WDR33: variants seen among roughly 807,000 people sequenced by gnomAD.
WDR33 encodes the protein WD repeat domain 33, also known as pre-mRNA 3' end processing protein WDR33.
WDR33 carries 47 observed loss-of-function variants against 164.9 expected under a neutral mutation model. The ratio of observed to expected loss-of-function variants is 0.29; its 90% CI spans 0.23 to 0.36. The LOEUF (loss-of-function observed/expected upper bound fraction) is 0.36, where lower values mean the gene tolerates loss of function less well. WDR33 is among the 10% of genes least tolerant of loss of function. The pLI is 1.00. For missense variants in WDR33, 1,137 were observed against 1,754.1 expected (o/e 0.65, Z 6.28); for synonymous variants, 505 against 589.0 (o/e 0.86, Z 2.06).
chr2:127,713,699 C>G lies in WDR33; in HGVS notation c.3192G>C (p.Gly1064=). The G allele has an allele frequency of 6.2e-7, 1 of 1,614,228 alleles. No homozygotes were observed. The highest frequency in any genetic ancestry group is 8.5e-7 in the Non-Finnish European group (1 of 1,180,014). The change falls in exon 18 of 22, where the codon GGG becomes GGC. Residue 1064 remains glycine, a synonymous_variant. Transcript: ENST00000322313. This position sits in a 1 kb window ranked among gnomAD's most constrained non-coding sequence, Gnocchi z 6.2. Reference sequence around the variant, plus strand: ...GGCCTCGGGCTGCACCCCGGCCATCCCCCTCGCTGAATTCCCTGTGATCAG... The same window carrying G: ...GGCCTCGGGCTGCACCCCGGCCATCGCCCTCGCTGAATTCCCTGTGATCAG... ...FPPDHREFSE[G]DGRGAARGPP...
chr2:127,752,560 G>A (rs1040024811), intron 7 of WDR33, among the ~76,000 whole-genome samples: 4 of 135,942 alleles, frequency 2.9e-5, no homozygotes, highest in African/African-American at 5.7e-5. Flanking sequence ...ACTGCAGTCC[G>A]CAGTCCGGCC....
intron 1 of WDR33, among the ~76,000 whole-genome samples, chr2:127,787,669 C>A (rs1425554130): frequency 1.1e-5 from 1 of 92,404 alleles, no homozygotes; most frequent in Non-Finnish European, 2.2e-5. Context: ...GAGGGCTGAC[C>A]CCCCCACCTC....
intron 7 of WDR33, among the ~76,000 whole-genome samples, chr2:127,729,114 G>A (rs72846250): frequency 6.1e-4 from 93 of 152,360 alleles, no homozygotes; most frequent in Non-Finnish European, 9.6e-4. Context: ...ATTCTTGGAT[G>A]TAATTTTATT....
At position 127,741,123 on chromosome 2, in the gene WDR33, G is replaced by A. The variant is rs1315478443; in HGVS notation, c.725-14346C>T. ...TTGTCCCTCCTGACTTCCTGTTTCT[G>A]TAGAACAGATGCTCTCAGTCAGACA... On this transcript the variant is annotated intron_variant, in intron 7 of 21. Transcript: ENST00000322313. The surrounding 1 kb of genome is among the most constrained non-coding windows in gnomAD (Gnocchi z 4.1). Among the ~76,000 whole-genome samples, 1 of 152,228 alleles carries A rather than the reference G, an allele frequency of 6.6e-6. No homozygotes were observed. Among genetic ancestry groups the A allele is most frequent in the African/African-American group, 2.4e-5 (1 of 41,452 alleles).
intron 4 of WDR33, 51 bp downstream of exon 4, chr2:127,768,138 C>G: frequency 8.7e-7 from 1 of 1,151,914 alleles, no homozygotes; most frequent in Non-Finnish European, 1.2e-6. Context: ...AATACATTTG[C>G]TATATAACGC....
chr2:127,748,391 T>C lies in WDR33; in HGVS notation c.724+14671A>G, dbSNP rs542351757. Among the ~76,000 whole-genome samples the C allele has an allele frequency of 2.6e-5, 4 of 152,250 alleles. No individual in the cohort carries two copies. The South Asian group carries it at 8.3e-4, about 32-fold the overall frequency. ...GTAAATACTAACAGTGAAATGAAAATAGACTAAATGTTCTAGGCTTAGAAA... is the reference window on the plus strand; with the variant it reads ...GTAAATACTAACAGTGAAATGAAAACAGACTAAATGTTCTAGGCTTAGAAA... On this transcript the variant is annotated intron_variant, in intron 7 of 21. Transcript: ENST00000322313.
Position 127,766,788 on chromosome 2 carries a change from A to T in WDR33, c.378+1401T>A, listed in dbSNP as rs541479924. On this transcript the variant is annotated intron_variant, in intron 4 of 21. Coordinates refer to ENST00000322313, the MANE Select transcript of WDR33 (RefSeq NM_018383.5). ...TAACAATGTTTCTTTTTTTTTTTTG[A>T]AACAGAGTTTCGATCTTGTCGCCCA... Among the ~76,000 whole-genome samples the T allele has an allele frequency of 1.3e-3, 192 of 148,636 alleles. 4 individuals carry two copies. The East Asian group carries it at 0.035, about 27-fold the overall frequency.
rs1380937889 is a variant in WDR33 at position 127,723,257 on chromosome 2, T to C, written c.1287A>G (p.Glu429=). 1.9e-6 allele frequency: 3 copies of C among 1,613,362 alleles called. No homozygotes were observed. Among genetic ancestry groups the C allele is most frequent in the Non-Finnish European group, 2.5e-6 (3 of 1,179,564 alleles). The part of the protein sequence containing the change: ...LLPGMSEDGV[E]YDDLEPNSLA... ...ACAGATGTGCAAGAGTCTCACCATA[T>C]TCTACTCCATCTTCAGACATTCCAG... Residue 429 remains glutamate (E), a synonymous_variant, in exon 12 of 22, where the codon GAA becomes GAG. Transcript: ENST00000322313. The surrounding 1 kb of genome is among the most constrained non-coding windows in gnomAD (Gnocchi z 5.9).
chr2:127,706,218 G>A lies in WDR33; in HGVS notation c.*105C>T. 5 of 1,089,148 alleles carry A rather than the reference G, an allele frequency of 4.6e-6. No homozygotes were observed. The highest frequency in any genetic ancestry group is 6.3e-6 in the Non-Finnish European group (5 of 792,196). The allele number at this position is 1,089,148 out of a possible 1,614,324, so 67.5% of individuals were successfully genotyped here. A position where few individuals can be genotyped will look rare whatever the true frequency, so the allele number is the denominator to read the frequency against. On this transcript the variant is annotated 3_prime_UTR_variant, in exon 22 of 22. Coordinates refer to ENST00000322313, the MANE Select transcript of WDR33 (RefSeq NM_018383.5). This position sits in a 1 kb window ranked among gnomAD's most constrained non-coding sequence, Gnocchi z 5.1. ...CTGGGATTCAGGTGCCCAGAAAAGA[G>A]TTCAGGGCTACAATGGTGCAGGCTT...
rs3887980 is a variant in WDR33, at chr2:127,746,824, T to G, written c.724+16238A>C. On this transcript the variant is annotated intron_variant, in intron 7 of 21. Transcript: ENST00000322313. ...GTAAACAGTAATTACACTATATTCT[T>G]CTATCATTACATTTTAAAGTTAACA... Among the ~76,000 whole-genome samples, 1,063 of 152,362 alleles carry G rather than the reference T, an allele frequency of 7.0e-3. 9 individuals carry two copies. The highest frequency in any genetic ancestry group is 0.024 in the African/African-American group (1,011 of 41,592).
At position 127,713,371 on chromosome 2, in the gene WDR33, C is replaced by T. The variant is rs1049827367; in HGVS notation, c.3308+212G>A. Among the ~76,000 whole-genome samples, 3 of 152,088 alleles carry T rather than the reference C, an allele frequency of 2.0e-5. No homozygotes were observed. The highest frequency in any genetic ancestry group is 7.2e-5 in the African/African-American group (3 of 41,406). On this transcript the variant is annotated intron_variant, in intron 18 of 21. Transcript: ENST00000322313. The surrounding 1 kb of genome is among the most constrained non-coding windows in gnomAD (Gnocchi z 6.2). Reference sequence around the variant, plus strand: ...CCAAAATATAAAAAAATAAACAAAACGAAAAAGATTTCTAGACAGCAAAGA... The same window carrying T: ...CCAAAATATAAAAAAATAAACAAAATGAAAAAGATTTCTAGACAGCAAAGA...
chr2:127,788,479 C>T (rs1369518065), intron 1 of WDR33, among the ~76,000 whole-genome samples: 3 of 127,338 alleles, frequency 2.4e-5, no homozygotes, highest in East Asian at 2.6e-4. Context: ...GGGGCTGACA[C>T]CCCCACCTCC....
At position 127,726,793 on chromosome 2, in the gene WDR33, T is replaced by A; in HGVS notation, c.725-16A>T. 1 of 1,613,574 alleles carries A rather than the reference T, an allele frequency of 6.2e-7. No individual in the cohort carries two copies. The highest frequency in any genetic ancestry group is 8.5e-7 in the Non-Finnish European group (1 of 1,179,830). On this transcript the variant is annotated splice_polypyrimidine_tract_variant and intron_variant, in intron 7 of 21. Coordinates refer to ENST00000322313, the MANE Select transcript of WDR33 (RefSeq NM_018383.5). This position sits in a 1 kb window ranked among gnomAD's most constrained non-coding sequence, Gnocchi z 4.8. ...GCACCATGCCCTGTCGGAAACAAGT[T>A]AGGATTAAAACCTAATTAGTTACAT...
Position 127,713,515 on chromosome 2 carries a change from C to A in WDR33, c.3308+68G>T. ...TTCCTCAAGAAAAAGAAGAAAGAGA[C>A]CTTTGTGGAGACAGCAGATAAAAAG... is the stretch of plus-strand genomic sequence containing the variant. On this transcript the variant is annotated intron_variant, in intron 18 of 21. Coordinates refer to ENST00000322313, the MANE Select transcript of WDR33 (RefSeq NM_018383.5). This position sits in a 1 kb window ranked among gnomAD's most constrained non-coding sequence, Gnocchi z 6.2. The A allele has an allele frequency of 6.5e-7, 1 of 1,535,254 alleles. No individual in the cohort carries two copies. Among genetic ancestry groups the A allele is most frequent in the Non-Finnish European group, 8.9e-7 (1 of 1,125,140 alleles).
At chr2:127,788,417 G>T in intron 1 of WDR33, among the ~76,000 whole-genome samples, 1 of 121,168 alleles carries the variant, frequency 8.3e-6, no homozygotes, top group East Asian at 2.6e-4. Context: ...CTGGCCGGGC[G>T]GAGGGCTGAC....
chr2:127,796,208 A>ACTAT (rs1325208715), intron 1 of WDR33, among the ~76,000 whole-genome samples: 7 of 151,566 alleles, frequency 4.6e-5, no homozygotes, highest in Non-Finnish European at 1.0e-4. Context: ...AGTAGCTGGG[A>ACTAT]CTATACAGCA....
intron 7 of WDR33, among the ~76,000 whole-genome samples, chr2:127,732,693 T>C (rs1269418997): frequency 1.3e-5 from 2 of 152,134 alleles, no homozygotes; most frequent in African/African-American, 4.8e-5. Flanking sequence ...AAGATGTGCC[T>C]CAGATACTCA....
In WDR33 at chr2:127,708,114, G is replaced by A. The variant is rs150683737; in HGVS notation, c.3781+563C>T. ...CCCCCGCTGCCTTGCAACCAGAGTTGTATAGTCAGCCTTCAGAGGCAACTA... is the reference window on the plus strand; with the variant it reads ...CCCCCGCTGCCTTGCAACCAGAGTTATATAGTCAGCCTTCAGAGGCAACTA... On this transcript the variant is annotated intron_variant, in intron 21 of 21. Coordinates refer to ENST00000322313, the MANE Select transcript of WDR33 (RefSeq NM_018383.5). The surrounding 1 kb of genome is among the most constrained non-coding windows in gnomAD (Gnocchi z 6.7). Among the ~76,000 whole-genome samples the A allele has an allele frequency of 1.8e-4, 28 of 152,314 alleles. 1 individual carries two copies. The East Asian group carries it at 5.0e-3, about 27-fold the overall frequency.
Position 127,769,005 on chromosome 2 carries a change from TTAAATAAATAAA to T in WDR33, c.205-16_205-5del, listed in dbSNP as rs143186338. 2.2e-4 allele frequency: 203 copies of T among 911,870 alleles called. 6 individuals are homozygous for T. Among genetic ancestry groups the T allele is most frequent in the Admixed American group, 2.7e-4 (9 of 33,510 alleles). The allele number at this position is 911,870 out of a possible 1,614,324, so 56.5% of individuals were successfully genotyped here. A position where few individuals can be genotyped will look rare whatever the true frequency, so the allele number is the denominator to read the frequency against. On this transcript the variant is annotated splice_region_variant and splice_polypyrimidine_tract_variant and intron_variant, in intron 2 of 21. Coordinates refer to ENST00000322313, the MANE Select transcript of WDR33 (RefSeq NM_018383.5). ...GGTCTCTTTGCCATATTCTGTTCTG[TTAAATAAATAAA>T]TAAATAAATAAATAAATAAATAGAT...
Sources: gnomAD v4.1 joint callset for allele counts (sites outside exome capture counted in the v4.1 genomes callset) on GRCh38, gnomAD v4.1.1 for gene constraint, Gnocchi (gnomAD v3.1) non-coding constraint, MANE v1.5 for transcripts, NCBI Gene and HGNC (gene_info 2026-07-23, HGNC 2026-07-21) for gene names.